AUTS2: variants seen among roughly 807,000 people sequenced by gnomAD.
AUTS2 encodes activator of transcription and developmental regulator AUTS2.
AUTS2 carries 17 observed loss-of-function variants against 112.4 expected under a neutral mutation model. The ratio of observed to expected loss-of-function variants is 0.15; its 90% confidence interval spans 0.10 to 0.23. AUTS2 has a LOEUF of 0.23. Among genes scored for constraint, AUTS2 ranks in the 10% least tolerant of loss-of-function variants. The probability of loss-of-function intolerance (pLI) is 1.00; values close to 1 mark genes in which losing one functional copy is unlikely to be tolerated. For missense variants in AUTS2, 1,510 were observed against 1,701.6 expected (o/e 0.89, Z 1.98); for synonymous variants, 751 against 702.7 (o/e 1.07, Z -1.09).
rs61076536 is a variant in AUTS2, at chr7:70,117,104, GTTTTTT to G, written c.523-1021_523-1016del. Among the ~76,000 whole-genome samples, 22 of 78,440 alleles carry G rather than the reference GTTTTTT, an allele frequency of 2.8e-4. No individual in the cohort carries two copies. In the East Asian group the frequency reaches 7.7e-3, roughly 28 times the overall value. 51.5% of individuals were successfully genotyped at this position (78,440 alleles called of 152,430 possible). On this transcript the variant is annotated intron_variant, in intron 2 of 18. Transcript: ENST00000342771. ...ACGTAAACTTCATGAGATGACTTTT[GTTTTTT>G]TTTTTTGTTTTTTTTTGTTTTTTTT... is the stretch of plus-strand genomic sequence containing the variant.
At chr7:69,675,209 T>C (rs947021478) in intron 1 of AUTS2, among the ~76,000 whole-genome samples, 2 of 152,160 alleles carry the variant, frequency 1.3e-5, no homozygotes, top group African/African-American at 4.8e-5. Flanking sequence ...TCCTGACCTT[T>C]TTTTCTGTAT....
chr7:70,767,809 A>T lies in AUTS2; in HGVS notation c.1690-215A>T, dbSNP rs75817869. 4.2e-3 allele frequency among the ~76,000 whole-genome samples: 638 copies of T among 152,330 alleles called. 3 individuals are homozygous for T. Among genetic ancestry groups the T allele is most frequent in the Non-Finnish European group, 5.7e-3 (389 of 68,036 alleles). ...AAGAAAGGCATCCTAGTACGTGCAGAACTAAAACGTACCACTTGGTTTTTA... is the reference window on the plus strand; with the variant it reads ...AAGAAAGGCATCCTAGTACGTGCAGTACTAAAACGTACCACTTGGTTTTTA... On this transcript the variant is annotated intron_variant, in intron 9 of 18. Coordinates refer to ENST00000342771, the MANE Select transcript of AUTS2 (RefSeq NM_015570.4).
intron 2 of AUTS2, among the ~76,000 whole-genome samples, chr7:69,905,172 A>C (rs1321556122): frequency 6.6e-6 from 1 of 152,246 alleles, no homozygotes; most frequent in African/African-American, 2.4e-5. Context: ...AATAGTGAGC[A>C]TAAACATCAC....
intron 10 of AUTS2, among the ~76,000 whole-genome samples, chr7:70,769,331 A>G (rs1447773545): frequency 1.3e-5 from 2 of 152,214 alleles, no homozygotes; most frequent in East Asian, 1.9e-4. Flanking sequence ...GGTCTGGCCC[A>G]TGGATGCCAC....
intron 2 of AUTS2, among the ~76,000 whole-genome samples, chr7:70,046,812 T>C (rs1052973927): frequency 2.6e-5 from 4 of 152,232 alleles, no homozygotes; most frequent in African/African-American, 9.6e-5. Context: ...TATTATGCTC[T>C]GATAAAGAGA....
intron 1 of AUTS2, chr7:69,825,765 C>G (rs935342356): frequency 1.3e-5 from 2 of 152,222 alleles, no homozygotes; most frequent in African/African-American, 2.4e-5. Flanking sequence ...CAAGCATACA[C>G]TTTTATTGTT....
intron 4 of AUTS2, among the ~76,000 whole-genome samples, chr7:70,285,282 C>T (rs1388536342): frequency 6.6e-6 from 1 of 152,116 alleles, no homozygotes; most frequent in Non-Finnish European, 1.5e-5. Context: ...AGTATATTTC[C>T]AACTTGGTAT....
chr7:69,794,790 A>G (rs1789767811), intron 1 of AUTS2, among the ~76,000 whole-genome samples: 1 of 152,122 alleles, frequency 6.6e-6, no homozygotes, highest in Non-Finnish European at 1.5e-5. Context: ...ACCTGTTATT[A>G]CAAGTAGAAG....
At chr7:70,546,561 G>A (rs1311668489) in intron 5 of AUTS2, among the ~76,000 whole-genome samples, 5 of 152,134 alleles carry the variant, frequency 3.3e-5, no homozygotes, top group East Asian at 1.9e-4. Context: ...GGCGGATCAC[G>A]AGGTCAGGAG....
At chr7:70,344,442 AT>A (rs1791405619) in intron 4 of AUTS2, among the ~76,000 whole-genome samples, 3 of 152,124 alleles carry the variant, frequency 2.0e-5, no homozygotes, top group Admixed American at 2.0e-4. Flanking sequence ...CCCAGTTCAA[AT>A]TCAGCCCTTA....
chr7:69,995,887 T>C (rs1275970164), intron 2 of AUTS2, among the ~76,000 whole-genome samples: 1 of 152,210 alleles, frequency 6.6e-6, no homozygotes, highest in Non-Finnish European at 1.5e-5. Flanking sequence ...TTCTGCCTAC[T>C]TACTGTCTGA....
intron 4 of AUTS2, among the ~76,000 whole-genome samples, chr7:70,212,412 G>A (rs1810954137): frequency 6.6e-6 from 1 of 152,164 alleles, no homozygotes; most frequent in South Asian, 2.1e-4. Flanking sequence ...TCCATTAGAA[G>A]GGAGACTGGG....
intron 1 of AUTS2, among the ~76,000 whole-genome samples, chr7:69,843,843 G>A (rs1584328132): frequency 6.6e-6 from 1 of 152,100 alleles, no homozygotes. Context: ...GAAGGAATTT[G>A]CATGAAGGTC....
intron 5 of AUTS2, among the ~76,000 whole-genome samples, chr7:70,516,204 G>GT (rs1336314631): frequency 1.8e-4 from 27 of 152,288 alleles, no homozygotes; most frequent in South Asian, 4.1e-4. Context: ...AAGCAACAGA[G>GT]TTTTTTACCT....
At chr7:69,745,800 T>G (rs1278051063) in intron 1 of AUTS2, among the ~76,000 whole-genome samples, 1 of 152,180 alleles carries the variant, frequency 6.6e-6, no homozygotes, top group African/African-American at 2.4e-5. Flanking sequence ...TTGAGTATTC[T>G]GTGTGGGTTT....
intron 4 of AUTS2, among the ~76,000 whole-genome samples, chr7:70,275,515 CA>C (rs1170802347): frequency 2.6e-5 from 4 of 152,088 alleles, no homozygotes; most frequent in Non-Finnish European, 5.9e-5. Flanking sequence ...TGCCACTGAC[CA>C]TATACTTAAA....
intron 4 of AUTS2, among the ~76,000 whole-genome samples, chr7:70,286,729 C>CT (rs1788477874): frequency 1.3e-5 from 2 of 152,150 alleles, no homozygotes; most frequent in South Asian, 4.1e-4. Flanking sequence ...AGTAGTATTT[C>CT]TTAGAAGAGT....
rs11764854 is a variant in AUTS2, at chr7:70,606,854, C to T, written c.691-91715C>T. The stretch of plus-strand genomic sequence containing the variant: ...TCCAGCCTGGGCGACAAGCGAGACT[C>T]TGTCTCAAGAAAAAAAAAAAAAAAA... On this transcript the variant is annotated intron_variant, in intron 5 of 18. Transcript: ENST00000342771. 2.1e-3 allele frequency among the ~76,000 whole-genome samples: 305 copies of T among 143,534 alleles called. 1 individual carries two copies. Among genetic ancestry groups the T allele is most frequent in the African/African-American group, 7.5e-3 (292 of 38,980 alleles). 94.2% of individuals were successfully genotyped at this position (143,534 alleles called of 152,430 possible). A position where few individuals can be genotyped will look rare whatever the true frequency, so the allele number is the denominator to read the frequency against.
At chr7:69,678,348 C>T (rs1490033915) in intron 1 of AUTS2, among the ~76,000 whole-genome samples, 1 of 152,144 alleles carries the variant, frequency 6.6e-6, no homozygotes, top group Non-Finnish European at 1.5e-5. Flanking sequence ...TCACTGTCTA[C>T]AGCCTCTTGA....
Sources: gnomAD v4.1 joint callset for allele counts (sites outside exome capture counted in the v4.1 genomes callset) on GRCh38, gnomAD v4.1.1 for gene constraint, MANE v1.5 for transcripts, NCBI Gene and HGNC (gene_info 2026-07-23, HGNC 2026-07-21) for gene names.